FOXH1: variants seen among roughly 807,000 people sequenced by gnomAD.
FOXH1 encodes forkhead box protein H1.
A neutral mutation model predicts 14.2 loss-of-function variants in FOXH1; 10 were observed. The observed-to-expected ratio is 0.70, with a 90% CI of 0.43 to 1.19. FOXH1 has a LOEUF of 1.19. Among genes scored for constraint, FOXH1 ranks in the 50% most tolerant of loss-of-function variants. The probability of loss-of-function intolerance (pLI) is 0.00; values close to 1 mark genes in which losing one functional copy is unlikely to be tolerated. For missense variants in FOXH1, 643 were observed against 492.1 expected, an observed-to-expected ratio of 1.31 and a Z score of -2.90; for synonymous variants, 273 against 209.5, an observed-to-expected ratio of 1.30 and a Z score of -2.62.
chr8:144,474,206 G>A lies in FOXH1; in HGVS notation c.*32C>T, dbSNP rs748310499. On this transcript the variant is annotated 3_prime_UTR_variant, in exon 3 of 3. Coordinates refer to ENST00000377317, the MANE Select transcript of FOXH1 (RefSeq NM_003923.3). Reference sequence around the variant, plus strand: ...CTGTCAACAAGGTGGGGGTGGGAGCGGGAGGGAGGAGTGGCCCCTGTCTTA... The same window carrying A: ...CTGTCAACAAGGTGGGGGTGGGAGCAGGAGGGAGGAGTGGCCCCTGTCTTA... 2 of 1,491,552 alleles carry A rather than the reference G, an allele frequency of 1.3e-6. No individual in the cohort carries two copies. The highest frequency in any genetic ancestry group is 1.8e-6 in the Non-Finnish European group (2 of 1,108,440). 92.4% of individuals were successfully genotyped at this position (1,491,552 alleles called of 1,614,324 possible).
rs1321589099 is a variant in FOXH1 at position 144,474,549 on chromosome 8, C to G, written c.787G>C (p.Gly263Arg). ...HLLQGTAVPG[G>R]RSSGGHRASL... is the part of the protein sequence containing the mutation. ...GCCCTGTGTCCCCCGCTGGACCGTC[C>G]CCCAGGAACTGCGGTGCCCTGCAGT... The change falls in exon 3 of 3, where the codon GGA becomes CGA. Residue 263 changes from glycine (G) to arginine (R), a missense_variant. Gly to Arg is a moderately radical substitution (Grantham distance 125, BLOSUM62 -2). Coordinates refer to ENST00000377317, the MANE Select transcript of FOXH1 (RefSeq NM_003923.3). 1 of 1,610,936 alleles carries G rather than the reference C, an allele frequency of 6.2e-7. No homozygotes were observed. The highest frequency in any genetic ancestry group is 8.5e-7 in the Non-Finnish European group (1 of 1,179,878).
chr8:144,474,736 C>T lies in FOXH1; in HGVS notation c.600G>A (p.Gly200=). Residue 200 remains glycine (G), a synonymous_variant, in exon 3 of 3, where the codon GGG becomes GGA. Transcript: ENST00000377317. ...SPVPAGTGNS[G]EEAVPTPPLP... is the part of the protein sequence containing the mutation. ...GGGGTGGGGTGGGCACCGCCTCCTC[C>T]CCACTGTTCCCTGTGCCTGCAGGAA... The T allele has an allele frequency of 1.3e-6, 2 of 1,557,326 alleles. No individual in the cohort carries two copies. Among genetic ancestry groups the T allele is most frequent in the African/African-American group, 1.4e-5 (1 of 73,648 alleles).
Position 144,474,593 on chromosome 8 carries a change from C to T in FOXH1, c.743G>A (p.Arg248Lys), listed in dbSNP as rs775359743. The part of the protein sequence containing the change: ...IGPSTLSPEP[R>K]AWPLHLLQGT... Reference sequence around the variant, plus strand: ...CTGCAGTAAGTGGAGAGGCCAGGCCCTAGGCTCTGGGGAGAGGGTTGAGGG... The same window carrying T: ...CTGCAGTAAGTGGAGAGGCCAGGCCTTAGGCTCTGGGGAGAGGGTTGAGGG... Residue 248 changes from arginine to lysine, a missense_variant, in exon 3 of 3, where the codon AGG becomes AAG. Coordinates refer to ENST00000377317, the MANE Select transcript of FOXH1 (RefSeq NM_003923.3). 9 of 1,607,862 alleles carry T rather than the reference C, an allele frequency of 5.6e-6. 1 individual carries two copies. The South Asian group carries it at 8.8e-5, about 16-fold the overall frequency.
chr8:144,475,819 G>T lies in FOXH1; in HGVS notation c.-63C>A. 1 of 1,186,388 alleles carries T rather than the reference G, an allele frequency of 8.4e-7. No individual in the cohort carries two copies. The highest frequency in any genetic ancestry group is 1.1e-6 in the Non-Finnish European group (1 of 927,072). The allele number at this position is 1,186,388 out of a possible 1,614,324, so 73.5% of individuals were successfully genotyped here. A position where few individuals can be genotyped will look rare whatever the true frequency, so the allele number is the denominator to read the frequency against. ...GTGGAGGGTGCAGGGCGGTGGGGCA[G>T]TGTAGAAGGCAGGGCCGGGACCTGA... is the stretch of plus-strand genomic sequence containing the variant. On this transcript the variant is annotated 5_prime_UTR_variant, in exon 1 of 3. In the 5' UTR this introduces an upstream ATG that the reference lacks. Transcript: ENST00000377317.
In FOXH1 at chr8:144,474,859, G is replaced by T; in HGVS notation, c.477C>A (p.Pro159=). The T allele has an allele frequency of 2.5e-6, 4 of 1,611,600 alleles. No individual in the cohort carries two copies. Among genetic ancestry groups the T allele is most frequent in the Non-Finnish European group, 3.4e-6 (4 of 1,179,752 alleles). Residue 159 remains proline (P), a synonymous_variant, in exon 3 of 3, where the codon CCC becomes CCA. Transcript: ENST00000377317. ...LHGRPYRPPS[P]PPPPSEGFSI... is the part of the protein sequence containing the mutation. ...TGAAGCCCTCACTGGGTGGTGGCGG[G>T]GGACTGGGCGGCCGGTATGGCCGGC...
rs1383655444 is a variant in FOXH1, at chr8:144,473,869, G to A, written c.*369C>T. ...CAGATGAGAGAGGGCAGGACTTCAG[G>A]CTGGATCCACCACTGGGCTCTCCCT... On this transcript the variant is annotated 3_prime_UTR_variant, in exon 3 of 3. Transcript: ENST00000377317. The A allele has an allele frequency of 7.5e-6, 3 of 398,650 alleles. No individual in the cohort carries two copies. Among genetic ancestry groups the A allele is most frequent in the Non-Finnish European group, 1.4e-5 (3 of 221,942 alleles). The allele number at this position is 398,650 out of a possible 1,614,324, so 24.7% of individuals were successfully genotyped here. A position where few individuals can be genotyped will look rare whatever the true frequency, so the allele number is the denominator to read the frequency against.
chr8:144,474,628 T>A lies in FOXH1; in HGVS notation c.708A>T (p.Gly236=). 6.3e-7 allele frequency: 1 copy of A among 1,583,758 alleles called. No homozygotes were observed. The highest frequency in any genetic ancestry group is 8.6e-7 in the Non-Finnish European group (1 of 1,165,288). ...GGGAGAGGGTTGAGGGCCCGATGGC[T>A]CCCCCCTGCACAGTCTCCCCCTCCA... ...TRVEGETVQG[G]AIGPSTLSPE... Residue 236 remains glycine, a synonymous_variant, in exon 3 of 3, where the codon GGA becomes GGT. Transcript: ENST00000377317.
chr8:144,474,542 G>T lies in FOXH1; in HGVS notation c.794C>A (p.Ser265Tyr), dbSNP rs769660425. ...LQGTAVPGGR[S>Y]SGGHRASLWG... ...GAGGGAGGCCCTGTGTCCCCCGCTG[G>T]ACCGTCCCCCAGGAACTGCGGTGCC... is the stretch of plus-strand genomic sequence containing the variant. Residue 265 changes from serine to tyrosine, a missense_variant, in exon 3 of 3, where the codon TCC (serine) becomes TAC (tyrosine). By Grantham distance (144) the Ser-to-Tyr change is moderately radical. Coordinates refer to ENST00000377317, the MANE Select transcript of FOXH1 (RefSeq NM_003923.3). 1.4e-5 allele frequency: 23 copies of T among 1,610,896 alleles called. No homozygotes were observed. In the South Asian group the frequency reaches 2.3e-4, roughly 16 times the overall value.
At position 144,473,779 on chromosome 8, in the gene FOXH1, C is replaced by T. The variant is rs1825044428; in HGVS notation, c.*459G>A. ...ACTGTTATCCCCCCCACCACCAGGACCATGTAGGGTGCAGTCTTTACTCCC... is the reference window on the plus strand; with the variant it reads ...ACTGTTATCCCCCCCACCACCAGGATCATGTAGGGTGCAGTCTTTACTCCC... On this transcript the variant is annotated 3_prime_UTR_variant, in exon 3 of 3. Transcript: ENST00000377317. The T allele has an allele frequency of 5.1e-6, 2 of 390,760 alleles. No homozygotes were observed. The allele number at this position is 390,760 out of a possible 1,614,324, so 24.2% of individuals were successfully genotyped here. A position where few individuals can be genotyped will look rare whatever the true frequency, so the allele number is the denominator to read the frequency against.
At position 144,475,574 on chromosome 8, in the gene FOXH1, C is replaced by T; in HGVS notation, c.174+9G>A. 6.9e-7 allele frequency: 1 copy of T among 1,448,746 alleles called. No homozygotes were observed. Among genetic ancestry groups the T allele is most frequent in the Non-Finnish European group, 9.1e-7 (1 of 1,097,664 alleles). The allele number at this position is 1,448,746 out of a possible 1,614,324, so 89.7% of individuals were successfully genotyped here. A position where few individuals can be genotyped will look rare whatever the true frequency, so the allele number is the denominator to read the frequency against. ...GGGAAAGAGAGAGTGGGGGCCGGGG[C>T]CCGCTCACCTGGGCCAGCTTCAGTC... On this transcript the variant is annotated intron_variant, in intron 1 of 2. Coordinates refer to ENST00000377317, the MANE Select transcript of FOXH1 (RefSeq NM_003923.3).
intron 1 of FOXH1, 150 bp from the exon 2 acceptor site, chr8:144,475,411 G>A (rs939175140): frequency 1.1e-6 from 1 of 908,922 alleles, no homozygotes. Context: ...GCGCGGCAGA[G>A]AGGGCAAGGG....
Position 144,474,731 on chromosome 8 carries a change from T to C in FOXH1, c.605A>G (p.Glu202Gly). The change falls in exon 3 of 3, where the codon GAG becomes GGG. Residue 202 changes from glutamate to glycine, a missense_variant. Coordinates refer to ENST00000377317, the MANE Select transcript of FOXH1 (RefSeq NM_003923.3). Reference sequence around the variant, plus strand: ...GGGAAGGGGTGGGGTGGGCACCGCCTCCTCCCCACTGTTCCCTGTGCCTGC... The same window carrying C: ...GGGAAGGGGTGGGGTGGGCACCGCCCCCTCCCCACTGTTCCCTGTGCCTGC... ...VPAGTGNSGE[E>G]AVPTPPLPSS... The C allele has an allele frequency of 6.4e-7, 1 of 1,551,992 alleles. No homozygotes were observed. The highest frequency in any genetic ancestry group is 8.7e-7 in the Non-Finnish European group (1 of 1,147,244).
Position 144,475,219 on chromosome 8 carries a change from C to T in FOXH1, c.217G>A (p.Asp73Asn). The T allele has an allele frequency of 6.2e-7, 1 of 1,613,618 alleles. No homozygotes were observed. Among genetic ancestry groups the T allele is most frequent in the South Asian group, 1.1e-5 (1 of 91,078 alleles). Residue 73 changes from aspartate (D) to asparagine (N), a missense_variant, in exon 2 of 3, where the codon GAC (aspartate) becomes AAC (asparagine). Physicochemically the swap from Asp to Asn is conservative, Grantham distance 23 (BLOSUM62 1). Coordinates refer to ENST00000377317, the MANE Select transcript of FOXH1 (RefSeq NM_003923.3). The part of the protein sequence containing the change: ...VQAVFPFFRE[D>N]YEGWKDSIRH... ...ATGGAGTCTTTCCAGCCCTCGTAGT[C>T]TTCCCTGAAGAAGGGGAACACGGCC...
In FOXH1 at chr8:144,474,498, A is replaced by G; in HGVS notation, c.838T>C (p.Ser280Pro). 1.2e-6 allele frequency: 2 copies of G among 1,611,274 alleles called. No homozygotes were observed. The highest frequency in any genetic ancestry group is 1.7e-6 in the Non-Finnish European group (2 of 1,179,890). Residue 280 changes from serine (S) to proline (P), a missense_variant, in exon 3 of 3, where the codon TCC becomes CCC. Coordinates refer to ENST00000377317, the MANE Select transcript of FOXH1 (RefSeq NM_003923.3). Reference protein sequence around the residue: ...RASLWGQLPTSYLPIYTPNVV... With the variant: ...RASLWGQLPTPYLPIYTPNVV... ...TTGGGAGTGTAGATAGGCAAGTAGGAGGTGGGCAGCTGCCCCCAGAGGGAG... is the reference window on the plus strand; with the variant it reads ...TTGGGAGTGTAGATAGGCAAGTAGGGGGTGGGCAGCTGCCCCCAGAGGGAG...
chr8:144,474,238 T>C lies in FOXH1; in HGVS notation c.1098A>G (p.Ter366TrpextTer3). The C allele has an allele frequency of 3.2e-6, 5 of 1,568,220 alleles. No homozygotes were observed. The highest frequency in any genetic ancestry group is 4.3e-6 in the Non-Finnish European group (5 of 1,157,128). Residue 366 changes from the stop codon to tryptophan (W), a stop_lost, in exon 3 of 3, where the codon TGA (stop) becomes TGG (tryptophan). Transcript: ENST00000377317. ...PGWLLSWCSL* is the reference protein window; with the variant it reads ...PGWLLSWCSLW ...AGGAGTGGCCCCTGTCTTAAGAGCC[T>C]CACAGGCTGCACCAGGAGAGCAGCC...
chr8:144,475,353 G>T (rs1825117979), intron 1 of FOXH1, 92 bp from the exon 2 acceptor site: 6 of 1,119,118 alleles, frequency 5.4e-6, no homozygotes, highest in Non-Finnish European at 8.0e-6. Context: ...TCAGGGGCGC[G>T]CGGTGCCGGC....
rs1485883815 is a variant in FOXH1, at chr8:144,473,604, A to T, written c.*634T>A. ...CACCCCCCGCCCCCAGCCCTGCATC[A>T]GGCCACAGGTCTTGGCTTTCTCCTT... On this transcript the variant is annotated 3_prime_UTR_variant, in exon 3 of 3. Coordinates refer to ENST00000377317, the MANE Select transcript of FOXH1 (RefSeq NM_003923.3). The T allele has an allele frequency of 8.2e-6, 5 of 611,662 alleles. No individual in the cohort carries two copies. The East Asian group carries it at 1.7e-4, about 21-fold the overall frequency. The allele number at this position is 611,662 out of a possible 1,614,324, so 37.9% of individuals were successfully genotyped here.
At chr8:144,475,320 C>A in intron 1 of FOXH1, 59 bp from the exon 2 acceptor site, 1 of 1,378,506 alleles carries the variant, frequency 7.3e-7, no homozygotes, top group East Asian at 2.4e-5. Flanking sequence ...GGGTAGCGCC[C>A]TACCCCTCCC....
Position 144,473,626 on chromosome 8 carries a change from C to A in FOXH1, c.*612G>T. ...ATCAGGCCACAGGTCTTGGCTTTCTCCTTATCACCATTTGCTGTTATCACG... is the reference window on the plus strand; with the variant it reads ...ATCAGGCCACAGGTCTTGGCTTTCTACTTATCACCATTTGCTGTTATCACG... On this transcript the variant is annotated 3_prime_UTR_variant, in exon 3 of 3. Coordinates refer to ENST00000377317, the MANE Select transcript of FOXH1 (RefSeq NM_003923.3). 1 of 554,434 alleles carries A rather than the reference C, an allele frequency of 1.8e-6. No homozygotes were observed. The allele number at this position is 554,434 out of a possible 1,614,324, so 34.3% of individuals were successfully genotyped here. A position where few individuals can be genotyped will look rare whatever the true frequency, so the allele number is the denominator to read the frequency against.
Sources: gnomAD v4.1 joint callset for allele counts on GRCh38, gnomAD v4.1.1 for gene constraint, MANE v1.5 for transcripts, NCBI Gene and HGNC (gene_info 2026-07-23, HGNC 2026-07-21) for gene names.